KIAA0825: variants seen among roughly 807,000 people sequenced by gnomAD.
KIAA0825 encodes the protein uncharacterized protein KIAA0825.
KIAA0825 carries 119 observed loss-of-function variants against 147.6 expected under a neutral mutation model. The ratio of observed to expected loss-of-function variants is 0.81; its 90% CI spans 0.69 to 0.94. The LOEUF (loss-of-function observed/expected upper bound fraction) is 0.94, where lower values mean the gene tolerates loss of function less well. KIAA0825 is among the 40% of genes least tolerant of loss of function. The probability of loss-of-function intolerance (pLI) is 0.00; values close to 1 mark genes in which losing one functional copy is unlikely to be tolerated. For synonymous variants in KIAA0825, 470 were observed against 518.1 expected, an observed-to-expected ratio of 0.91 and a Z score of 1.26; for missense variants, 1,381 against 1,472.7, an observed-to-expected ratio of 0.94 and a Z score of 1.02.
At chr5:94,373,807 A>G (rs1747111552) in intron 20 of KIAA0825, among the ~76,000 whole-genome samples, 1 of 152,204 alleles carries the variant, frequency 6.6e-6, no homozygotes, top group South Asian at 2.1e-4. Context: ...TTATTATAAT[A>G]TATAACTATA....
At chr5:94,530,141 C>T (rs1406362647) in intron 3 of KIAA0825, among the ~76,000 whole-genome samples, 1 of 151,810 alleles carries the variant, frequency 6.6e-6, no homozygotes, top group Non-Finnish European at 1.5e-5. Context: ...TGTGCTGGCA[C>T]ATACCTGTAA....
At chr5:94,523,166 T>A (rs563287587) in intron 4 of KIAA0825, among the ~76,000 whole-genome samples, 1 of 151,812 alleles carries the variant, frequency 6.6e-6, no homozygotes, top group South Asian at 2.1e-4. Flanking sequence ...TCCAGATATT[T>A]TCCACATCTG....
intron 2 of KIAA0825, among the ~76,000 whole-genome samples, chr5:94,547,051 G>C (rs138269508): frequency 3.3e-5 from 5 of 151,922 alleles, no homozygotes; most frequent in African/African-American, 1.2e-4. Flanking sequence ...TTCTGGAGTT[G>C]AAAAATGTAA....
At chr5:94,332,231 T>C (rs1168764356) in intron 20 of KIAA0825, among the ~76,000 whole-genome samples, 1 of 151,576 alleles carries the variant, frequency 6.6e-6, no homozygotes, top group Non-Finnish European at 1.5e-5. Flanking sequence ...TTCTTTCTTT[T>C]TTTTTTTAAA....
intron 3 of KIAA0825, among the ~76,000 whole-genome samples, chr5:94,528,103 C>A (rs1000605369): frequency 6.6e-6 from 1 of 152,110 alleles, no homozygotes; most frequent in Non-Finnish European, 1.5e-5. Context: ...TTTTCTATTT[C>A]GGAGACATTT....
intron 3 of KIAA0825, among the ~76,000 whole-genome samples, chr5:94,533,911 T>C (rs550570707): frequency 1.2e-4 from 19 of 152,292 alleles, no homozygotes; most frequent in African/African-American, 3.6e-4. Flanking sequence ...CAGTGACCTT[T>C]GGGCACACTG....
chr5:94,475,253 A>T (rs1474660626), intron 7 of KIAA0825, among the ~76,000 whole-genome samples: 1 of 152,196 alleles, frequency 6.6e-6, no homozygotes, highest in Non-Finnish European at 1.5e-5. Flanking sequence ...CTCCATGAAA[A>T]TTCAAACAAA....
At chr5:94,587,816 C>A (rs1783597329) in intron 1 of KIAA0825, among the ~76,000 whole-genome samples, 1 of 152,124 alleles carries the variant, frequency 6.6e-6, no homozygotes, top group Non-Finnish European at 1.5e-5. Flanking sequence ...CTACAGTAAC[C>A]AAAACAGCAT....
At chr5:94,332,133 C>A (rs1220769973) in intron 20 of KIAA0825, among the ~76,000 whole-genome samples, 1 of 146,148 alleles carries the variant, frequency 6.8e-6, no homozygotes, top group African/African-American at 2.5e-5. Flanking sequence ...TGCACTCCAG[C>A]CTGGGCGACA....
intron 20 of KIAA0825, among the ~76,000 whole-genome samples, chr5:94,188,506 A>G (rs892708882): frequency 2.0e-5 from 3 of 152,016 alleles, no homozygotes; most frequent in African/African-American, 7.2e-5. Context: ...TTTTTCTAGA[A>G]TTTCATATTA....
chr5:94,277,738 A>G (rs1268459031), intron 20 of KIAA0825, among the ~76,000 whole-genome samples: 2 of 152,176 alleles, frequency 1.3e-5, no homozygotes, highest in Non-Finnish European at 2.9e-5. Context: ...CAGAAATACC[A>G]TTCAACCCAC....
intron 20 of KIAA0825, among the ~76,000 whole-genome samples, chr5:94,255,807 G>A (rs115568891): frequency 0.013 from 1,729 of 131,634 alleles, 34 homozygotes; most frequent in African/African-American, 0.047. Context: ...TGACCTCCCC[G>A]GGCTCAGGTG....
At chr5:94,575,521 A>G (rs1674728707) in intron 2 of KIAA0825, among the ~76,000 whole-genome samples, 1 of 152,234 alleles carries the variant, frequency 6.6e-6, no homozygotes, top group African/African-American at 2.4e-5. Context: ...CACCAGAGAA[A>G]CTAAACAGGG....
intron 14 of KIAA0825, among the ~76,000 whole-genome samples, chr5:94,434,027 C>A (rs1380986553): frequency 6.6e-6 from 1 of 152,132 alleles, no homozygotes; most frequent in Non-Finnish European, 1.5e-5. Context: ...CCTTGGGTGT[C>A]AAAAGTCAAT....
chr5:94,476,844 A>T (rs1181340586), intron 7 of KIAA0825, among the ~76,000 whole-genome samples: 3 of 152,090 alleles, frequency 2.0e-5, no homozygotes, highest in Non-Finnish European at 4.4e-5. Context: ...ACATCCTCTA[A>T]GTGCAGGCCC....
chr5:94,583,109 C>A (rs1196622999), intron 1 of KIAA0825, among the ~76,000 whole-genome samples: 1 of 152,154 alleles, frequency 6.6e-6, no homozygotes, highest in East Asian at 1.9e-4. Flanking sequence ...GAGATCGACG[C>A]ATAAGACGGG....
chr5:94,344,952 T>A (rs900413638), intron 20 of KIAA0825, among the ~76,000 whole-genome samples: 3 of 152,126 alleles, frequency 2.0e-5, no homozygotes, highest in African/African-American at 7.2e-5. Flanking sequence ...ACAGTTTCAG[T>A]TTGAAAAGAT....
At chr5:94,178,373 C>T (rs1167026241) in intron 20 of KIAA0825, among the ~76,000 whole-genome samples, 1 of 151,820 alleles carries the variant, frequency 6.6e-6, no homozygotes, top group East Asian at 1.9e-4. Context: ...TTCTGTCCCC[C>T]CTTGATTTTA....
intron 5 of KIAA0825, among the ~76,000 whole-genome samples, chr5:94,504,624 A>G (rs1172287713): frequency 6.6e-6 from 1 of 152,098 alleles, no homozygotes; most frequent in Admixed American, 6.5e-5. Context: ...AAAAGTATAT[A>G]TATGTTCTTT....
Sources: allele counts gnomAD v4.1 joint callset (sites outside exome capture counted in the v4.1 genomes callset), GRCh38; gene constraint gnomAD v4.1.1; transcripts MANE v1.5; gene names NCBI Gene and HGNC (gene_info 2026-07-23, HGNC 2026-07-21).